Variants in KIF5C observed in about 807,000 individuals in gnomAD.
KIF5C encodes the protein kinesin heavy chain isoform 5C.
In KIF5C, 18 loss-of-function variants were observed where a neutral mutation model predicts 125.2. The observed-to-expected ratio is 0.14, with a 90% CI of 0.10 to 0.21. The LOEUF (loss-of-function observed/expected upper bound fraction) is 0.21, where lower values mean the gene tolerates loss of function less well. KIF5C is among the 10% of genes least tolerant of loss of function. The pLI, the probability that KIF5C is intolerant of heterozygous loss-of-function variation, is 1.00. For missense variants in KIF5C, 780 were observed against 1,183.8 expected (o/e 0.66, Z 5.01); for synonymous variants, 405 against 434.0 (o/e 0.93, Z 0.83).
chr2:148,978,336 T>TTG (rs1681134771), intron 12 of KIF5C, among the ~76,000 whole-genome samples: 1 of 125,606 alleles, frequency 8.0e-6, no homozygotes, highest in African/African-American at 4.0e-5. Context: ...GCCCTGAGGT[T>TTG]TTTTTTTTTT....
intron 10 of KIF5C, among the ~76,000 whole-genome samples, chr2:148,956,297 A>G (rs4130559): frequency 0.024 from 3,587 of 152,350 alleles, 59 homozygotes; most frequent in Non-Finnish European, 0.038. Context: ...GGTGCTGGGA[A>G]GAAAATAACA....
At chr2:148,908,012 C>T (rs893602777) in intron 1 of KIF5C, among the ~76,000 whole-genome samples, 1 of 152,194 alleles carries the variant, frequency 6.6e-6, no homozygotes, top group African/African-American at 2.4e-5. Flanking sequence ...TCCAGCCACT[C>T]GGTTGCTTTT....
intron 22 of KIF5C, among the ~76,000 whole-genome samples, 192 bp downstream of exon 22, chr2:149,005,656 T>A (rs978527365): frequency 6.6e-6 from 1 of 152,194 alleles, no homozygotes; most frequent in Admixed American, 6.5e-5. Context: ...CCCATCTGAT[T>A]TTTCCTTCTT....
chr2:148,929,791 C>T (rs1190889782), intron 3 of KIF5C, among the ~76,000 whole-genome samples: 3 of 151,702 alleles, frequency 2.0e-5, no homozygotes, highest in African/African-American at 4.8e-5. Context: ...AGCCCACAGA[C>T]ATATTTTTGT....
chr2:148,950,916 T>C (rs111623748), intron 10 of KIF5C, among the ~76,000 whole-genome samples: 4 of 152,148 alleles, frequency 2.6e-5, no homozygotes, highest in African/African-American at 9.7e-5. Flanking sequence ...ATATGTAAAC[T>C]TGAGGCATCA....
In KIF5C at chr2:149,000,738, A is replaced by C; in HGVS notation, c.2329A>C (p.Arg777=). Residue 777 remains arginine, a synonymous_variant, in exon 21 of 26, where the codon AGG becomes CGG. Coordinates refer to ENST00000435030, the MANE Select transcript of KIF5C (RefSeq NM_004522.3). Reference sequence around the variant, plus strand: ...GTTTTTCAGATTGCTCAACGATAAAAGGGAACAAGCCAGAGAAGACCTCAA... The same window carrying C: ...GTTTTTCAGATTGCTCAACGATAAACGGGAACAAGCCAGAGAAGACCTCAA... The part of the protein sequence containing the change: ...LEKLLLLNDK[R]EQAREDLKGL... The C allele has an allele frequency of 6.2e-7, 1 of 1,613,930 alleles. No individual in the cohort carries two copies. Among genetic ancestry groups the C allele is most frequent in the South Asian group, 1.1e-5 (1 of 91,030 alleles).
chr2:148,929,738 T>C (rs1682127893), intron 3 of KIF5C, among the ~76,000 whole-genome samples: 1 of 152,048 alleles, frequency 6.6e-6, no homozygotes, highest in African/African-American at 2.4e-5. Flanking sequence ...AATAAAAAAC[T>C]GTAGGTCAGA....
At chr2:148,983,418 C>T (rs899726349) in intron 14 of KIF5C, among the ~76,000 whole-genome samples, 1 of 152,148 alleles carries the variant, frequency 6.6e-6, no homozygotes. Context: ...ATGTATCAGG[C>T]CATGTGATAC....
In KIF5C at chr2:149,022,672, C is replaced by T. The variant is rs188761066; in HGVS notation, c.*8-406C>T. On this transcript the variant is annotated intron_variant, in intron 25 of 25. Coordinates refer to ENST00000435030, the MANE Select transcript of KIF5C (RefSeq NM_004522.3). ...GGCACGGTGGCTTATACCTGTAATC[C>T]CAGCACTTTGGGAGGCCGAGGTGGG... Among the ~76,000 whole-genome samples, 828 of 151,654 alleles carry T rather than the reference C, an allele frequency of 5.5e-3. 7 individuals carry two copies. Among genetic ancestry groups the T allele is most frequent in the Middle Eastern group, 0.01 (3 of 288 alleles).
chr2:148,957,848 C>T (rs1405039820), intron 10 of KIF5C, among the ~76,000 whole-genome samples: 1 of 152,106 alleles, frequency 6.6e-6, no homozygotes, highest in Non-Finnish European at 1.5e-5. Context: ...GGAAGCCTCT[C>T]TCTTTGACCC....
intron 16 of KIF5C, 139 bp downstream of exon 16, chr2:148,991,337 C>T (rs1478330941): frequency 2.7e-5 from 38 of 1,387,190 alleles, no homozygotes; most frequent in Non-Finnish European, 3.3e-5. Flanking sequence ...CAGGTGATGG[C>T]AGCCCAGGTC....
At position 148,936,869 on chromosome 2, in the gene KIF5C, C is replaced by T. The variant is rs921119127; in HGVS notation, c.292-415C>T. Among the ~76,000 whole-genome samples, 9 of 152,124 alleles carry T rather than the reference C, an allele frequency of 5.9e-5. No homozygotes were observed. In the South Asian group the frequency reaches 1.7e-3, roughly 28 times the overall value. ...CAGTTCTAGAGGTGATTTCATTAAACAAGATTGCCTTACTTGGAACTCCAG... is the reference window on the plus strand; with the variant it reads ...CAGTTCTAGAGGTGATTTCATTAAATAAGATTGCCTTACTTGGAACTCCAG... On this transcript the variant is annotated intron_variant, in intron 3 of 25. Coordinates refer to ENST00000435030, the MANE Select transcript of KIF5C (RefSeq NM_004522.3).
Position 148,875,582 on chromosome 2 carries a change from A to ACCCCCTGCCCCCC in KIF5C, c.-33_-32insCCTGCCCCCCCCC. The ACCCCCTGCCCCCC allele has an allele frequency of 3.6e-6, 1 of 277,684 alleles. No individual in the cohort carries two copies. Among genetic ancestry groups the ACCCCCTGCCCCCC allele is most frequent in the South Asian group, 4.1e-5 (1 of 24,502 alleles). 17.2% of individuals were successfully genotyped at this position (277,684 alleles called of 1,614,324 possible). On this transcript the variant is annotated 5_prime_UTR_variant, in exon 1 of 26. Coordinates refer to ENST00000435030, the MANE Select transcript of KIF5C (RefSeq NM_004522.3). ...TCGTCGTTCCCGGCCCCGGCCCCCC[A>ACCCCCTGCCCCCC]CCCATCCCCGTGCCCCCTCCCTACC...
At chr2:149,008,099 C>G (rs755647699) in intron 23 of KIF5C, 32 bp downstream of exon 23, 26 of 1,585,346 alleles carry the variant, frequency 1.6e-5, no homozygotes, top group Non-Finnish European at 2.2e-5. Flanking sequence ...CCCTCTGATT[C>G]CCTCCTCTCT....
chr2:148,875,575 G>GCCCCCCCCCCCAACCCCCCCCCC lies in KIF5C; in HGVS notation c.-37_-36insCCCCCAACCCCCCCCCCCCCCCC. ...TCCTCCCTCGTCGTTCCCGGCCCCG[G>GCCCCCCCCCCCAACCCCCCCCCC]CCCCCCACCCATCCCCGTGCCCCCT... is the stretch of plus-strand genomic sequence containing the variant. On this transcript the variant is annotated 5_prime_UTR_variant, in exon 1 of 26. Transcript: ENST00000435030. 1.4e-6 allele frequency: 1 copy of GCCCCCCCCCCCAACCCCCCCCCC among 699,606 alleles called. No individual in the cohort carries two copies. Among genetic ancestry groups the GCCCCCCCCCCCAACCCCCCCCCC allele is most frequent in the African/African-American group, 1.8e-5 (1 of 55,562 alleles). The allele number at this position is 699,606 out of a possible 1,614,324, so 43.3% of individuals were successfully genotyped here. A position where few individuals can be genotyped will look rare whatever the true frequency, so the allele number is the denominator to read the frequency against.
At chr2:148,896,372 T>G (rs1056525744) in intron 1 of KIF5C, among the ~76,000 whole-genome samples, 1 of 152,144 alleles carries the variant, frequency 6.6e-6, no homozygotes, top group Non-Finnish European at 1.5e-5. Flanking sequence ...GAGTGGACAT[T>G]ATTGGACCTT....
At position 148,944,697 on chromosome 2, in the gene KIF5C, A is replaced by G. The variant is rs889185277; in HGVS notation, c.589+1937A>G. On this transcript the variant is annotated intron_variant, in intron 7 of 25. Transcript: ENST00000435030. ...GGATCTCATGGTAATTCTACTTTCA[A>G]TTTCTTGAGGAACCGCTACTATTTG... Among the ~76,000 whole-genome samples, 4 of 152,212 alleles carry G rather than the reference A, an allele frequency of 2.6e-5. No individual in the cohort carries two copies. The East Asian group carries it at 7.7e-4, about 29-fold the overall frequency.
chr2:148,940,369 C>T (rs569149394), intron 4 of KIF5C, among the ~76,000 whole-genome samples: 1 of 152,152 alleles, frequency 6.6e-6, no homozygotes, highest in African/African-American at 2.4e-5. Context: ...GCAGATGTTG[C>T]TAGGGATACA....
intron 1 of KIF5C, among the ~76,000 whole-genome samples, chr2:148,907,769 C>T (rs990228230): frequency 2.6e-5 from 4 of 152,164 alleles, no homozygotes; most frequent in Admixed American, 2.0e-4. Flanking sequence ...AGGTGAGGGG[C>T]AGGGAGAAGA....
Sources: gnomAD v4.1 joint callset for allele counts (sites outside exome capture counted in the v4.1 genomes callset) on GRCh38, gnomAD v4.1.1 for gene constraint, MANE v1.5 for transcripts, NCBI Gene and HGNC (gene_info 2026-07-23, HGNC 2026-07-21) for gene names.